BCLAF3: variants seen among roughly 807,000 people sequenced by gnomAD.
BCLAF3 encodes BCLAF1 and THRAP3 family member 3, also known as transient octamer binding factor 1.
A neutral mutation model predicts 51.2 loss-of-function variants in BCLAF3; 24 were observed. The observed-to-expected ratio is 0.47, with a 90% CI of 0.34 to 0.66. The LOEUF is 0.66. Among genes scored for constraint, BCLAF3 ranks in the 30% least tolerant of loss-of-function variants. BCLAF3 has a pLI of 0.01. For synonymous variants in BCLAF3, 152 were observed against 176.6 expected (o/e 0.86, Z 1.10); for missense variants, 465 against 525.1 (o/e 0.89, Z 1.12).
chrX:19,960,418 T>A (rs769359738), intron 4 of BCLAF3, among the ~76,000 whole-genome samples: 12 of 110,857 alleles, frequency 1.1e-4, no homozygotes, highest in South Asian at 3.8e-4. Context: ...CAAAAACATA[T>A]GCACTCTAAC....
chrX:19,948,056 T>A (rs747730873), intron 8 of BCLAF3, among the ~76,000 whole-genome samples: 1 of 112,345 alleles, frequency 8.9e-6, no homozygotes, highest in Non-Finnish European at 1.9e-5. Context: ...TAAGAAGAGT[T>A]GGCAACGATG....
intron 1 of BCLAF3, among the ~76,000 whole-genome samples, chrX:19,986,301 A>AG (rs1297563047): frequency 8.9e-6 from 1 of 112,331 alleles, no homozygotes; most frequent in Non-Finnish European, 1.9e-5. Context: ...CAATTTCCAC[A>AG]GAAAAAAAAA....
chrX:19,927,642 T>C lies in BCLAF3; in HGVS notation c.2106+2143A>G, dbSNP rs774816430. Among the ~76,000 whole-genome samples the C allele has an allele frequency of 8.2e-4, 91 of 110,371 alleles. 1 individual carries two copies. Among genetic ancestry groups the C allele is most frequent in the African/African-American group, 3.0e-3 (90 of 30,466 alleles). On this transcript the variant is annotated intron_variant, in intron 11 of 11. Transcript: ENST00000379682. Reference sequence around the variant, plus strand: ...CATGCCTCACTTACTGATATAATGCTACTGTTCTCATTTCGTTTTTTTCTC... The same window carrying C: ...CATGCCTCACTTACTGATATAATGCCACTGTTCTCATTTCGTTTTTTTCTC...
chrX:19,939,813 T>C (rs112096690), intron 8 of BCLAF3, among the ~76,000 whole-genome samples: 2,583 of 112,108 alleles, frequency 0.023, 85 homozygotes, highest in African/African-American at 0.08. Context: ...CTATGCTAAG[T>C]GAAATAAGCC....
chrX:19,950,654 C>T (rs1410604177), intron 8 of BCLAF3, 99 bp downstream of exon 8: 3 of 536,823 alleles, frequency 5.6e-6, no homozygotes, highest in Non-Finnish European at 9.1e-6. Context: ...AGGAGCAAAT[C>T]CCTATATTAA....
intron 5 of BCLAF3, chrX:19,954,359 T>C (rs1417659059): frequency 2.4e-5 from 4 of 167,775 alleles, no homozygotes; most frequent in Non-Finnish European, 3.9e-5. Context: ...CACTTTACTT[T>C]AATTCACATT....
At chrX:19,928,047 T>G (rs1436793690) in intron 11 of BCLAF3, among the ~76,000 whole-genome samples, 4 of 101,152 alleles carry the variant, frequency 4.0e-5, no homozygotes, top group Non-Finnish European at 8.0e-5. Flanking sequence ...AGTTTATTAT[T>G]TTTAAAAAAC....
intron 11 of BCLAF3, chrX:19,929,125 G>T (rs1001508480): frequency 3.6e-5 from 4 of 111,708 alleles, no homozygotes; most frequent in African/African-American, 1.3e-4. Context: ...TAAATAGCTT[G>T]ATTTAGCCAT....
At chrX:19,954,762 T>G (rs930098264) in intron 5 of BCLAF3, among the ~76,000 whole-genome samples, 8 of 112,328 alleles carry the variant, frequency 7.1e-5, no homozygotes, top group Non-Finnish European at 3.8e-5. Flanking sequence ...AGGCCTCCAG[T>G]TTGTAATACC....
intron 11 of BCLAF3, among the ~76,000 whole-genome samples, chrX:19,927,722 G>C (rs2070404298): frequency 9.2e-6 from 1 of 108,592 alleles, no homozygotes; most frequent in Admixed American, 9.9e-5. Context: ...GCCCAGGCTG[G>C]CATTGAACTC....
chrX:19,963,920 C>G (rs911199553), intron 4 of BCLAF3, among the ~76,000 whole-genome samples: 26 of 111,262 alleles, frequency 2.3e-4, no homozygotes, highest in African/African-American at 8.5e-4. Flanking sequence ...GAGGCCAACA[C>G]AGGAGAGGCA....
chrX:19,953,692 A>G (rs1232202507), intron 6 of BCLAF3, 86 bp downstream of exon 6: 2 of 637,620 alleles, frequency 3.1e-6, no homozygotes, highest in Admixed American at 3.1e-5. Flanking sequence ...CCAAGTGAGC[A>G]GGTTCGGAAA....
intron 1 of BCLAF3, among the ~76,000 whole-genome samples, chrX:19,974,360 G>C (rs968805972): frequency 9.0e-6 from 1 of 111,720 alleles, no homozygotes; most frequent in Non-Finnish European, 1.9e-5. Flanking sequence ...TGGAGGGCTG[G>C]TTAAAATACA....
chrX:19,920,566 T>C (rs182247771), intron 11 of BCLAF3, among the ~76,000 whole-genome samples: 43 of 111,628 alleles, frequency 3.9e-4, no homozygotes, highest in South Asian at 1.5e-3. Flanking sequence ...ACACCTGTAG[T>C]CCCAGCACTT....
rs545443846 is a variant in BCLAF3 at position 19,916,894 on chromosome X, T to C, written c.*411A>G. 2.9e-3 allele frequency: 352 copies of C among 119,944 alleles called. 1 individual carries two copies. Among genetic ancestry groups the C allele is most frequent in the Middle Eastern group, 0.016 (4 of 251 alleles). 9.9% of individuals were successfully genotyped at this position (119,944 alleles called of 1,213,427 possible). ...ATAAAATTTTCTACCATAAGGCCACTGTTTAAAGTTCTTTCATGTAAAGAC... is the reference window on the plus strand; with the variant it reads ...ATAAAATTTTCTACCATAAGGCCACCGTTTAAAGTTCTTTCATGTAAAGAC... On this transcript the variant is annotated 3_prime_UTR_variant, in exon 12 of 12. Coordinates refer to ENST00000379682, the MANE Select transcript of BCLAF3 (RefSeq NM_001367774.2).
At chrX:19,981,737 G>A in intron 1 of BCLAF3, among the ~76,000 whole-genome samples, 1 of 112,033 alleles carries the variant, frequency 8.9e-6, no homozygotes, top group Non-Finnish European at 1.9e-5. Context: ...GACAAACCTG[G>A]AAAACATCAT....
At chrX:19,975,623 C>T (rs928914193) in intron 1 of BCLAF3, among the ~76,000 whole-genome samples, 1 of 112,144 alleles carries the variant, frequency 8.9e-6, no homozygotes, top group African/African-American at 3.2e-5. Flanking sequence ...GGATTACAGG[C>T]GTGAGCCACT....
intron 11 of BCLAF3, among the ~76,000 whole-genome samples, chrX:19,924,512 G>C (rs1398037839): frequency 9.0e-6 from 1 of 111,049 alleles, no homozygotes; most frequent in Non-Finnish European, 1.9e-5. Context: ...TGTTGATTCA[G>C]CTAATCTTGG....
intron 4 of BCLAF3, among the ~76,000 whole-genome samples, chrX:19,958,096 A>G (rs1452364712): frequency 8.9e-6 from 1 of 111,881 alleles, no homozygotes; most frequent in Non-Finnish European, 1.9e-5. Context: ...AAAAACCTCT[A>G]TTCTAATACT....
Sources: gnomAD v4.1 joint callset for allele counts (sites outside exome capture counted in the v4.1 genomes callset) on GRCh38, gnomAD v4.1.1 for gene constraint, MANE v1.5 for transcripts, NCBI Gene and HGNC (gene_info 2026-07-23, HGNC 2026-07-21) for gene names.